EXPH5: variants seen among roughly 807,000 people sequenced by gnomAD.
EXPH5 encodes exophilin 5.
In EXPH5, 42 loss-of-function variants were observed where a neutral mutation model predicts 41.1. That is an observed-to-expected ratio of 1.02 (90% CI 0.80 to 1.32). The LOEUF (loss-of-function observed/expected upper bound fraction) is 1.32, where lower values mean the gene tolerates loss of function less well. EXPH5 is among the 40% of genes most tolerant of loss of function. EXPH5 has a pLI of 0.00. For missense variants in EXPH5, 2,298 were observed against 2,314.5 expected, an observed-to-expected ratio of 0.99 and a Z score of 0.15; for synonymous variants, 798 against 833.5, an observed-to-expected ratio of 0.96 and a Z score of 0.73.
In EXPH5 at chr11:108,511,697, C is replaced by T. The variant is rs2093683039; in HGVS notation, c.3810G>A (p.Gln1270=). 3.1e-6 allele frequency: 5 copies of T among 1,607,356 alleles called. No homozygotes were observed. Among genetic ancestry groups the T allele is most frequent in the Non-Finnish European group, 4.2e-6 (5 of 1,178,126 alleles). ...PSKKFCNLLQ[Q]YTQNTNLLIE... ...TAAGTAAATTAGTATTTTGTGTATA[C>T]TGTTGAAGGAGGTTACAGAATTTTT... Residue 1270 remains glutamine, a synonymous_variant, in exon 6 of 6, where the codon CAG becomes CAA. Transcript: ENST00000265843.
rs184560350 is a variant in EXPH5, at chr11:108,564,821, A to G, written c.120-23009T>C. On this transcript the variant is annotated intron_variant, in intron 1 of 5. Coordinates refer to ENST00000265843, the MANE Select transcript of EXPH5 (RefSeq NM_015065.3). ...CTTTGCTAATATGATAAGCCAAAAA[A>G]AGTTTTCTTTTTTTTTCTTTGTATT... 7.9e-5 allele frequency among the ~76,000 whole-genome samples: 12 copies of G among 151,986 alleles called. No homozygotes were observed. The East Asian group carries it at 2.3e-3, about 29-fold the overall frequency.
chr11:108,577,148 T>C (rs1157166150), intron 1 of EXPH5, among the ~76,000 whole-genome samples: 1 of 152,236 alleles, frequency 6.6e-6, no homozygotes, highest in Non-Finnish European at 1.5e-5. Context: ...CATCCATTCA[T>C]GAACATGTAG....
At chr11:108,537,965 A>G (rs1015924050) in intron 3 of EXPH5, 3 of 985,210 alleles carry the variant, frequency 3.0e-6, no homozygotes, top group East Asian at 1.1e-4. Context: ...CGACTCACCT[A>G]TTTGAAGAGT....
the EXPH5 span, among the ~76,000 whole-genome samples, chr11:108,606,499 C>T: frequency 6.0e-3 from 908 of 152,314 alleles, 10 homozygotes; most frequent in East Asian, 0.02. Flanking sequence ...TAGTAACCAG[C>T]CCCACACAAT....
intron 1 of EXPH5, among the ~76,000 whole-genome samples, chr11:108,549,790 C>A (rs1449717600): frequency 1.3e-5 from 2 of 152,172 alleles, no homozygotes; most frequent in Non-Finnish European, 2.9e-5. Context: ...TCTTTCCCCA[C>A]TTGTCAAAGA....
chr11:108,603,564 A>G, the EXPH5 span, among the ~76,000 whole-genome samples: 1 of 152,200 alleles, frequency 6.6e-6, no homozygotes, highest in Admixed American at 6.5e-5. Flanking sequence ...CCATGTTGAT[A>G]ACATTGTGAA....
At chr11:108,521,989 G>A (rs142769277) in intron 4 of EXPH5, among the ~76,000 whole-genome samples, 1 of 152,270 alleles carries the variant, frequency 6.6e-6, no homozygotes, top group Non-Finnish European at 1.5e-5. Context: ...TCTAGATTGG[G>A]AAGAATCACT....
chr11:108,568,517 A>G (rs12275333), intron 1 of EXPH5, among the ~76,000 whole-genome samples: 15,998 of 151,826 alleles, frequency 0.11, 1,916 homozygotes, highest in African/African-American at 0.3. Flanking sequence ...CCTCCCCCCA[A>G]CCCCCAGTCT....
intron 4 of EXPH5, among the ~76,000 whole-genome samples, chr11:108,521,096 T>C (rs1291987357): frequency 6.6e-6 from 1 of 152,150 alleles, no homozygotes; most frequent in Non-Finnish European, 1.5e-5. Context: ...TTCCAGTCTT[T>C]ATTTTCAGCT....
rs562341292 is a variant in EXPH5, at chr11:108,528,640, T to C, written c.444-456A>G. On this transcript the variant is annotated intron_variant, in intron 3 of 5. Coordinates refer to ENST00000265843, the MANE Select transcript of EXPH5 (RefSeq NM_015065.3). ...ACATAGTTAGTTGCTGAGCTAGGAG[T>C]TGGGCAAAGTCTGTCTGGATCTAGA... 3.0e-4 allele frequency among the ~76,000 whole-genome samples: 45 copies of C among 151,928 alleles called. 1 individual carries two copies. The highest frequency in any genetic ancestry group is 1.1e-3 in the African/African-American group (44 of 41,460).
chr11:108,537,409 A>G (rs774618277), intron 3 of EXPH5, among the ~76,000 whole-genome samples: 8 of 152,232 alleles, frequency 5.3e-5, no homozygotes, highest in South Asian at 4.1e-4. Context: ...TGAAAGTAAA[A>G]CGTATTTGAA....
intron 1 of EXPH5, among the ~76,000 whole-genome samples, chr11:108,565,089 A>G (rs2094029097): frequency 6.6e-6 from 1 of 151,960 alleles, no homozygotes; most frequent in Admixed American, 6.6e-5. Flanking sequence ...TATTTTTAGT[A>G]GAGATGGGGT....
intron 1 of EXPH5, among the ~76,000 whole-genome samples, chr11:108,560,673 C>A (rs2094007665): frequency 6.6e-6 from 1 of 152,124 alleles, no homozygotes; most frequent in African/African-American, 2.4e-5. Context: ...ATTTATTTAC[C>A]AAAACATACT....
chr11:108,520,672 T>C lies in EXPH5; in HGVS notation c.493-2299A>G, dbSNP rs539803886. On this transcript the variant is annotated intron_variant, in intron 4 of 5. Coordinates refer to ENST00000265843, the MANE Select transcript of EXPH5 (RefSeq NM_015065.3). ...CCATCCACCTCCCTGGCTCAAGCAA[T>C]TCCCCTGCCTCAGCCTCCCGAGTAG... Among the ~76,000 whole-genome samples, 30 of 152,176 alleles carry C rather than the reference T, an allele frequency of 2.0e-4. No homozygotes were observed. The South Asian group carries it at 6.2e-3, about 32-fold the overall frequency.
chr11:108,563,947 A>G (rs1474808825), intron 1 of EXPH5, among the ~76,000 whole-genome samples: 3 of 152,168 alleles, frequency 2.0e-5, no homozygotes, highest in Admixed American at 1.3e-4. Context: ...AGAAAAGTCA[A>G]GGGACTGCCT....
intron 1 of EXPH5, among the ~76,000 whole-genome samples, chr11:108,572,442 T>C (rs2094063840): frequency 6.6e-6 from 1 of 152,228 alleles, no homozygotes; most frequent in Non-Finnish European, 1.5e-5. Flanking sequence ...GTGCAGACAA[T>C]GATCTCCTAA....
chr11:108,578,526 T>G (rs2094087105), intron 1 of EXPH5, among the ~76,000 whole-genome samples: 1 of 152,208 alleles, frequency 6.6e-6, no homozygotes, highest in Non-Finnish European at 1.5e-5. Flanking sequence ...GGGTCTTTTG[T>G]GGTTCCATCT....
the EXPH5 span, among the ~76,000 whole-genome samples, chr11:108,604,018 A>G: frequency 6.6e-6 from 1 of 152,188 alleles, no homozygotes; most frequent in Non-Finnish European, 1.5e-5. Flanking sequence ...CCTAGTGGTC[A>G]GGTCAGAAAA....
At position 108,512,560 on chromosome 11, in the gene EXPH5, T is replaced by C. The variant is rs776740720; in HGVS notation, c.2947A>G (p.Ile983Val). Residue 983 changes from isoleucine to valine, a missense_variant, in exon 6 of 6, where the codon ATT (isoleucine) becomes GTT (valine). Transcript: ENST00000265843. ...CTTTCTGTTTTGCTTAACTTTTCAA[T>C]ACAGGATATATGATGCCTTATTTTT... ...KGKIRHHISC[I>V]EKLSKTESIS... The C allele has an allele frequency of 2.4e-5, 39 of 1,612,384 alleles. 1 individual carries two copies. Among genetic ancestry groups the C allele is most frequent in the Admixed American group, 5.0e-5 (3 of 59,660 alleles).
Sources: allele counts gnomAD v4.1 joint callset (sites outside exome capture counted in the v4.1 genomes callset), GRCh38; gene constraint gnomAD v4.1.1; transcripts MANE v1.5; gene names NCBI Gene and HGNC (gene_info 2026-07-23, HGNC 2026-07-21).